PPT1: variants seen among roughly 807,000 people sequenced by gnomAD.
The protein encoded by PPT1 is ceroid-palmitoyl-palmitoyl-protein thioesterase 1.
Under a neutral mutation model 44.0 loss-of-function variants are expected in PPT1, and 24 were observed. The observed-to-expected ratio is 0.54, with a 90% CI of 0.39 to 0.77. PPT1 has a LOEUF of 0.77. Among genes scored for constraint, PPT1 ranks in the 30% least tolerant of loss-of-function variants. PPT1 has a pLI of 0.00. For missense variants in PPT1, 341 were observed against 378.8 expected (o/e 0.90, Z 0.83); for synonymous variants, 148 against 140.2 (o/e 1.06, Z -0.39).
At chr1:40,088,107 G>C (rs1001257903) in intron 5 of PPT1, among the ~76,000 whole-genome samples, 9 of 151,700 alleles carry the variant, frequency 5.9e-5, no homozygotes, top group African/African-American at 2.2e-4. Flanking sequence ...CCAAACTCCA[G>C]CTATCATCAA....
chr1:40,088,706 G>A (rs1649392275), intron 5 of PPT1, among the ~76,000 whole-genome samples: 1 of 152,168 alleles, frequency 6.6e-6, no homozygotes, highest in African/African-American at 2.4e-5. Context: ...ATTATGCCAG[G>A]CTGGCCATGC....
chr1:40,090,690 G>T (rs1649518987), intron 4 of PPT1, among the ~76,000 whole-genome samples: 1 of 152,134 alleles, frequency 6.6e-6, no homozygotes, highest in Non-Finnish European at 1.5e-5. Flanking sequence ...CATAGGACAG[G>T]CAGGGCCATA....
At chr1:40,084,745 T>C (rs1205259710) in intron 5 of PPT1, among the ~76,000 whole-genome samples, 1 of 152,246 alleles carries the variant, frequency 6.6e-6, no homozygotes, top group Non-Finnish European at 1.5e-5. Flanking sequence ...TCCAATATTA[T>C]AATAATCCTT....
At chr1:40,096,989 A>C (rs1238004514) in intron 1 of PPT1, 126 bp downstream of exon 1, 11 of 1,543,070 alleles carry the variant, frequency 7.1e-6, no homozygotes, top group Non-Finnish European at 9.0e-6. Context: ...TCAAATCCTA[A>C]AATGTCGAGG....
intron 5 of PPT1, among the ~76,000 whole-genome samples, chr1:40,083,260 C>T (rs540772415): frequency 1.3e-5 from 2 of 152,118 alleles, no homozygotes; most frequent in Non-Finnish European, 1.5e-5. Context: ...CTAGCTTGGG[C>T]AACATAGCAA....
At chr1:40,094,326 G>A (rs1256583643) in intron 1 of PPT1, among the ~76,000 whole-genome samples, 2 of 152,176 alleles carry the variant, frequency 1.3e-5, no homozygotes, top group Non-Finnish European at 2.9e-5. Flanking sequence ...TCCCTCACAT[G>A]CGCAGTTCAC....
chr1:40,085,520 C>T (rs1233406273), intron 5 of PPT1, among the ~76,000 whole-genome samples: 2 of 152,144 alleles, frequency 1.3e-5, no homozygotes, highest in African/African-American at 4.8e-5. Flanking sequence ...AATCTCTCAT[C>T]TCCGCACACA....
At chr1:40,096,028 G>T (rs1034505472) in intron 1 of PPT1, among the ~76,000 whole-genome samples, 6 of 152,222 alleles carry the variant, frequency 3.9e-5, no homozygotes, top group Admixed American at 3.3e-4. Context: ...TGATCTGAAT[G>T]CTGTCCCTTG....
chr1:40,077,541 C>T (rs919040332), intron 7 of PPT1, among the ~76,000 whole-genome samples: 1 of 152,096 alleles, frequency 6.6e-6, no homozygotes, highest in African/African-American at 2.4e-5. Flanking sequence ...ATGTTAAAAA[C>T]ATTCTTTTAT....
chr1:40,076,739 T>G (rs1474025037), intron 8 of PPT1, 103 bp downstream of exon 8: 2 of 1,602,112 alleles, frequency 1.2e-6, no homozygotes, highest in Non-Finnish European at 1.7e-6. Flanking sequence ...CCTAGTGCTC[T>G]GAGGTGTAAA....
At chr1:40,077,557 T>C (rs1319085185) in intron 7 of PPT1, among the ~76,000 whole-genome samples, 1 of 152,256 alleles carries the variant, frequency 6.6e-6, no homozygotes, top group Non-Finnish European at 1.5e-5. Flanking sequence ...TTTATGTTAG[T>C]GTTTGGTGTT....
chr1:40,074,341 TTC>T (rs1210467262), intron 8 of PPT1, among the ~76,000 whole-genome samples, 158 bp from the exon 9 acceptor site: 2 of 152,142 alleles, frequency 1.3e-5, no homozygotes, highest in Non-Finnish European at 2.9e-5. Context: ...TATCTCCTAC[TTC>T]TTTTTCTTTC....
chr1:40,089,607 C>T (rs768790647), intron 4 of PPT1, 95 bp from the exon 5 acceptor site: 2 of 878,982 alleles, frequency 2.3e-6, no homozygotes, highest in South Asian at 2.7e-5. Context: ...ATGAACAGGA[C>T]CAAACTCTGA....
intron 1 of PPT1, chr1:40,094,120 G>A: frequency 3.5e-6 from 2 of 578,884 alleles, no homozygotes; most frequent in East Asian, 5.7e-5. Flanking sequence ...CTATCACAGG[G>A]GATATTTGGG....
chr1:40,089,242 C>T (rs548904935), intron 5 of PPT1, among the ~76,000 whole-genome samples, 168 bp downstream of exon 5: 5 of 147,436 alleles, frequency 3.4e-5, no homozygotes, highest in Admixed American at 1.4e-4. Context: ...GACAAAATCA[C>T]GCCACTGCCC....
chr1:40,091,510 G>T, intron 3 of PPT1, 111 bp from the exon 4 acceptor site: 1 of 980,410 alleles, frequency 1.0e-6, no homozygotes, highest in Non-Finnish European at 1.6e-6. Flanking sequence ...AACCCGCAGA[G>T]TTTCAGGATT....
At chr1:40,078,513 T>A in intron 7 of PPT1, 47 bp downstream of exon 7, 1 of 1,571,302 alleles carries the variant, frequency 6.4e-7, no homozygotes. Flanking sequence ...GCAGCCCTAT[T>A]TTAATGCCAT....
Position 40,086,522 on chromosome 1 carries a change from G to A in PPT1, c.536+2888C>T, listed in dbSNP as rs1022476845. On this transcript the variant is annotated intron_variant, in intron 5 of 8. Coordinates refer to ENST00000642050, the MANE Select transcript of PPT1 (RefSeq NM_000310.4). The stretch of plus-strand genomic sequence containing the variant: ...TGCCTCTCTTGCACTCTTCCTGCCC[G>A]GCCTACTGGTTTACAGGGAGGTGGG... 1.2e-4 allele frequency among the ~76,000 whole-genome samples: 18 copies of A among 152,194 alleles called. No homozygotes were observed. The East Asian group carries it at 1.5e-3, about 13-fold the overall frequency.
intron 8 of PPT1, among the ~76,000 whole-genome samples, chr1:40,074,422 T>TC (rs1258605858): frequency 0.012 from 1,315 of 107,990 alleles, 47 homozygotes; most frequent in African/African-American, 0.044. Flanking sequence ...CCTCCTCCTG[T>TC]CCCCCCCGCT....
Sources: gnomAD v4.1 joint callset for allele counts (sites outside exome capture counted in the v4.1 genomes callset) on GRCh38, gnomAD v4.1.1 for gene constraint, MANE v1.5 for transcripts, NCBI Gene and HGNC (gene_info 2026-07-23, HGNC 2026-07-21) for gene names.